EBF2: variants seen among roughly 807,000 people sequenced by gnomAD.
EBF2 encodes the protein EBF transcription factor 2.
Under a neutral mutation model 72.8 loss-of-function variants are expected in EBF2, and 21 were observed. The ratio of observed to expected loss-of-function variants is 0.29; its 90% CI spans 0.20 to 0.42. The LOEUF (loss-of-function observed/expected upper bound fraction) is 0.42, where lower values mean the gene tolerates loss of function less well. Ranked by LOEUF, EBF2 falls within the 10% of genes least tolerant of loss-of-function variation. EBF2 has a pLI of 1.00. For synonymous variants in EBF2, 299 were observed against 274.2 expected (o/e 1.09, Z -0.89); for missense variants, 637 against 731.2 (o/e 0.87, Z 1.49).
At chr8:25,948,623 T>A (rs555899471) in intron 6 of EBF2, among the ~76,000 whole-genome samples, 1 of 152,228 alleles carries the variant, frequency 6.6e-6, no homozygotes, top group Non-Finnish European at 1.5e-5. Flanking sequence ...GGTGACACTG[T>A]TGAGGGGCCT....
At chr8:26,031,312 G>A (rs1191880958) in intron 6 of EBF2, 1 of 149,196 alleles carries the variant, frequency 6.7e-6, no homozygotes, top group African/African-American at 2.5e-5. Context: ...GAAATGAACA[G>A]ATCCAACTCA....
At chr8:25,921,396 T>C (rs1803304088) in intron 6 of EBF2, among the ~76,000 whole-genome samples, 1 of 152,168 alleles carries the variant, frequency 6.6e-6, no homozygotes, top group South Asian at 2.1e-4. Context: ...AAGAATTTGA[T>C]ACAAAAGGCA....
At chr8:25,959,015 G>A (rs538282008) in intron 6 of EBF2, among the ~76,000 whole-genome samples, 5 of 152,206 alleles carry the variant, frequency 3.3e-5, no homozygotes, top group East Asian at 1.9e-4. Flanking sequence ...ACCTCATAAG[G>A]TTAGGCTGAG....
chr8:26,038,302 T>C (rs1805537977), intron 5 of EBF2, among the ~76,000 whole-genome samples: 1 of 152,224 alleles, frequency 6.6e-6, no homozygotes, highest in Non-Finnish European at 1.5e-5. Flanking sequence ...AGGTCTCCAA[T>C]GCAGAGAAGT....
intron 6 of EBF2, 116 bp downstream of exon 6, chr8:26,032,969 G>C (rs1360261976): frequency 2.1e-6 from 2 of 968,482 alleles, no homozygotes. Context: ...TGAGCTTAGT[G>C]ACTTGAAATA....
chr8:25,916,024 C>T (rs1232299876), intron 6 of EBF2, among the ~76,000 whole-genome samples: 1 of 152,096 alleles, frequency 6.6e-6, no homozygotes, highest in Non-Finnish European at 1.5e-5. Flanking sequence ...CAGTGGCTCA[C>T]ATCTGTAATC....
At chr8:25,967,200 G>C (rs1211638953) in intron 6 of EBF2, among the ~76,000 whole-genome samples, 2 of 152,190 alleles carry the variant, frequency 1.3e-5, no homozygotes, top group Non-Finnish European at 2.9e-5. Context: ...GATGAAATGT[G>C]TTTATTAAAC....
chr8:25,948,927 G>A lies in EBF2; in HGVS notation c.552-40372C>T, dbSNP rs146180071. ...CCCCTGGGCGGCTGTGCGTTACTGC[G>A]TGTGAGTCATCCAGGAATCCAAATA... On this transcript the variant is annotated intron_variant, in intron 6 of 15. Transcript: ENST00000520164. Among the ~76,000 whole-genome samples, 162 of 152,256 alleles carry A rather than the reference G, an allele frequency of 1.1e-3. 1 individual carries two copies. Among genetic ancestry groups the A allele is most frequent in the East Asian group, 7.5e-3 (39 of 5,184 alleles).
chr8:25,996,723 G>A (rs1434046590), intron 6 of EBF2, among the ~76,000 whole-genome samples: 1 of 151,982 alleles, frequency 6.6e-6, no homozygotes, highest in African/African-American at 2.4e-5. Context: ...AAGCAGAATT[G>A]ACAATAAAAT....
chr8:26,004,047 C>G (rs1256629692), intron 6 of EBF2, among the ~76,000 whole-genome samples: 1 of 150,652 alleles, frequency 6.6e-6, no homozygotes, highest in Non-Finnish European at 1.5e-5. Context: ...TTCTAGGTGT[C>G]GTTTAATTAT....
intron 10 of EBF2, among the ~76,000 whole-genome samples, chr8:25,864,989 G>A (rs1802283134): frequency 6.6e-6 from 1 of 151,854 alleles, no homozygotes; most frequent in Non-Finnish European, 1.5e-5. Flanking sequence ...TTTTAGTAGA[G>A]GCAGGGTTTC....
chr8:25,860,162 C>T (rs573259086), intron 13 of EBF2, among the ~76,000 whole-genome samples: 55 of 152,290 alleles, frequency 3.6e-4, no homozygotes, highest in Non-Finnish European at 6.6e-4. Flanking sequence ...TGACAGATTT[C>T]GACTTAGCAC....
intron 6 of EBF2, among the ~76,000 whole-genome samples, chr8:25,982,712 T>C (rs1418493081): frequency 6.6e-6 from 1 of 152,100 alleles, no homozygotes; most frequent in Non-Finnish European, 1.5e-5. Flanking sequence ...CCCAGCACCT[T>C]GTCTCCCCTC....
chr8:25,955,151 C>T (rs1400969284), intron 6 of EBF2, among the ~76,000 whole-genome samples: 1 of 152,240 alleles, frequency 6.6e-6, no homozygotes, highest in Admixed American at 6.5e-5. Flanking sequence ...CACTCTAGCG[C>T]CACACTCCCC....
rs534168750 is a variant in EBF2 at position 25,972,815 on chromosome 8, G to A, written c.551+60270C>T. 1.1e-3 allele frequency among the ~76,000 whole-genome samples: 168 copies of A among 150,980 alleles called. 2 individuals carry two copies. Among genetic ancestry groups the A allele is most frequent in the African/African-American group, 4.0e-3 (165 of 41,172 alleles). The stretch of plus-strand genomic sequence containing the variant: ...AAGCCGTATTTCAAAGACTAGGGGA[G>A]ACGATATTTCATATGAAAACTAGCA... On this transcript the variant is annotated intron_variant, in intron 6 of 15. Transcript: ENST00000520164.
At chr8:25,909,826 G>A (rs983458321) in intron 6 of EBF2, among the ~76,000 whole-genome samples, 2 of 152,340 alleles carry the variant, frequency 1.3e-5, no homozygotes, top group East Asian at 1.9e-4. Flanking sequence ...TTCTGTGTTT[G>A]AGGCTCTTTT....
chr8:25,900,963 A>T (rs1168759141), intron 7 of EBF2, among the ~76,000 whole-genome samples: 1 of 152,150 alleles, frequency 6.6e-6, no homozygotes, highest in African/African-American at 2.4e-5. Flanking sequence ...ACCAGCTAAA[A>T]GAGAGAACTT....
intron 6 of EBF2, among the ~76,000 whole-genome samples, chr8:25,924,033 G>T (rs563846215): frequency 3.9e-5 from 6 of 152,158 alleles, no homozygotes; most frequent in Non-Finnish European, 8.8e-5. Context: ...TACCGATAAT[G>T]TAATGTAGGA....
intron 8 of EBF2, among the ~76,000 whole-genome samples, chr8:25,888,553 AC>A (rs1351409973): frequency 6.6e-6 from 1 of 152,228 alleles, no homozygotes; most frequent in Non-Finnish European, 1.5e-5. Context: ...GTTAAGATTT[AC>A]AAGGCCTGTT....
Sources: gnomAD v4.1 joint callset for allele counts (sites outside exome capture counted in the v4.1 genomes callset) on GRCh38, gnomAD v4.1.1 for gene constraint, MANE v1.5 for transcripts, NCBI Gene and HGNC (gene_info 2026-07-23, HGNC 2026-07-21) for gene names.